The following DIAPH3 variants were observed in gnomAD, a reference collection of about 807,000 sequenced individuals.
The protein encoded by DIAPH3 is protein diaphanous homolog 3.
A neutral mutation model predicts 144.3 loss-of-function variants in DIAPH3; 117 were observed. The observed-to-expected ratio is 0.81, with a 90% CI of 0.70 to 0.95. The LOEUF is 0.95. Among genes scored for constraint, DIAPH3 ranks in the 40% least tolerant of loss-of-function variants. DIAPH3 has a pLI of 0.00. For synonymous variants in DIAPH3, 519 were observed against 488.9 expected, an observed-to-expected ratio of 1.06 and a Z score of -0.81; for missense variants, 1,421 against 1,412.7, an observed-to-expected ratio of 1.01 and a Z score of -0.09.
intron 1 of DIAPH3, among the ~76,000 whole-genome samples, chr13:60,157,133 C>T (rs1029254703): frequency 4.6e-5 from 7 of 151,370 alleles, no homozygotes; most frequent in South Asian, 2.1e-4. Flanking sequence ...TTAGTAGAGA[C>T]GGGGTTTCAC....
chr13:59,776,196 C>T (rs975921493), intron 25 of DIAPH3, among the ~76,000 whole-genome samples: 3 of 152,124 alleles, frequency 2.0e-5, no homozygotes, highest in Non-Finnish European at 2.9e-5. Context: ...TACTCATTTA[C>T]AGTTTATAAA....
At chr13:59,935,427 T>C (rs1324049746) in intron 17 of DIAPH3, among the ~76,000 whole-genome samples, 1 of 152,090 alleles carries the variant, frequency 6.6e-6, no homozygotes, top group East Asian at 1.9e-4. Flanking sequence ...AGGTCAGAAA[T>C]GGAGAATAGG....
At chr13:59,974,967 C>T (rs1237269287) in intron 14 of DIAPH3, among the ~76,000 whole-genome samples, 1 of 151,894 alleles carries the variant, frequency 6.6e-6, no homozygotes, top group Non-Finnish European at 1.5e-5. Flanking sequence ...ATAATATCTC[C>T]TGATATCTTT....
chr13:59,708,949 C>G (rs17057076), intron 27 of DIAPH3, among the ~76,000 whole-genome samples: 3,807 of 152,128 alleles, frequency 0.025, 151 homozygotes, highest in African/African-American at 0.086. Context: ...TAAAAAGTTA[C>G]CAGGTATCAG....
chr13:60,008,599 A>ATT lies in DIAPH3; in HGVS notation c.957_958dup (p.Ile320LysfsTer21). 2 of 1,604,820 alleles carry ATT rather than the reference A, an allele frequency of 1.2e-6. No individual in the cohort carries two copies. The highest frequency in any genetic ancestry group is 1.7e-6 in the Non-Finnish European group (2 of 1,173,224). On this transcript the variant is annotated frameshift_variant, in exon 9 of 28. Coordinates refer to ENST00000400324, the MANE Select transcript of DIAPH3 (RefSeq NM_001042517.2). LOFTEE classifies it high-confidence loss of function. The stretch of plus-strand genomic sequence containing the variant: ...TTCCACAATACAAAAAAATCTGTCA[A>ATT]TTTTTTTTTCTTCACCAGCTGAAGT...
Position 59,796,052 on chromosome 13 carries a change from G to C in DIAPH3, c.3163+14736C>G, listed in dbSNP as rs549600433. Among the ~76,000 whole-genome samples the C allele has an allele frequency of 2.6e-5, 4 of 152,232 alleles. No individual in the cohort carries two copies. In the South Asian group the frequency reaches 8.3e-4, roughly 32 times the overall value. On this transcript the variant is annotated intron_variant, in intron 25 of 27. Transcript: ENST00000400324. ...AAAGATTGAAACTAGCTAAAATGAG[G>C]GGTTTGTATTGTAAGTGAATCTAAA...
intron 5 of DIAPH3, among the ~76,000 whole-genome samples, chr13:60,040,097 C>A (rs2670483): frequency 2.2e-3 from 330 of 151,160 alleles, no homozygotes; most frequent in African/African-American, 7.4e-3. Context: ...TAGCCAGGTG[C>A]GCACCTGTAA....
At chr13:60,036,199 G>C (rs976622569) in intron 5 of DIAPH3, among the ~76,000 whole-genome samples, 4 of 152,076 alleles carry the variant, frequency 2.6e-5, no homozygotes, top group African/African-American at 9.7e-5. Flanking sequence ...ATCTGTCAGT[G>C]TTTATTTTCT....
At chr13:59,993,768 C>T (rs2052003241) in intron 9 of DIAPH3, among the ~76,000 whole-genome samples, 1 of 144,398 alleles carries the variant, frequency 6.9e-6, no homozygotes, top group African/African-American at 2.6e-5. Flanking sequence ...CAGCTGTAAC[C>T]AGTTCATGTC....
intron 15 of DIAPH3, among the ~76,000 whole-genome samples, chr13:59,971,934 G>C (rs2050408309): frequency 6.6e-6 from 1 of 152,128 alleles, no homozygotes. Flanking sequence ...AGCCTTATCT[G>C]ACCACTCATT....
At chr13:60,111,955 G>A in intron 3 of DIAPH3, 55 bp downstream of exon 3, 3 of 1,586,598 alleles carry the variant, frequency 1.9e-6, no homozygotes, top group South Asian at 1.1e-5. Flanking sequence ...CCATTAACAT[G>A]AGCAAAAGCT....
intron 27 of DIAPH3, among the ~76,000 whole-genome samples, chr13:59,721,347 G>C (rs2035333073): frequency 6.6e-6 from 1 of 152,112 alleles, no homozygotes; most frequent in South Asian, 2.1e-4. Context: ...CATTTTTCAT[G>C]TCTTGGTAAT....
rs148641158 is a variant in DIAPH3, at chr13:59,787,851, C to A, written c.3164-13028G>T. ...AGGTGATGAGATCATAAGGGCAGAG[C>A]CTTTGTTAATGAGATTAGTGCTTTT... On this transcript the variant is annotated intron_variant, in intron 25 of 27. Coordinates refer to ENST00000400324, the MANE Select transcript of DIAPH3 (RefSeq NM_001042517.2). 1.9e-3 allele frequency among the ~76,000 whole-genome samples: 295 copies of A among 152,180 alleles called. 2 individuals carry two copies. Among genetic ancestry groups the A allele is most frequent in the African/African-American group, 6.8e-3 (282 of 41,538 alleles).
chr13:60,076,480 T>C lies in DIAPH3; in HGVS notation c.495+17148A>G, dbSNP rs994197347. On this transcript the variant is annotated intron_variant, in intron 4 of 27. Coordinates refer to ENST00000400324, the MANE Select transcript of DIAPH3 (RefSeq NM_001042517.2). ...TTCAGCACCTGATATCCTCAGCCCC[T>C]GGGCTTCTGTCAAAACGTTGACATA... 6.6e-5 allele frequency among the ~76,000 whole-genome samples: 10 copies of C among 152,154 alleles called. No individual in the cohort carries two copies. The East Asian group carries it at 1.9e-3, about 29-fold the overall frequency.
chr13:59,970,022 T>C lies in DIAPH3; in HGVS notation c.1996A>G (p.Ile666Val). The change falls in exon 17 of 28, where the codon ATA becomes GTA. Residue 666 changes from isoleucine (I) to valine (V), a missense_variant. By Grantham distance (29) the Ile-to-Val change is conservative. Transcript: ENST00000400324. ...PHEMTENCFW[I>V]KVNENKYENV... ...TCATACTTATTTTCATTTACTTTTA[T>C]CCAGAAACAGTTTTCAGTCATTTCA... 6.2e-7 allele frequency: 1 copy of C among 1,607,834 alleles called. No individual in the cohort carries two copies. The highest frequency in any genetic ancestry group is 8.5e-7 in the Non-Finnish European group (1 of 1,176,140).
At chr13:59,876,952 A>C (rs1169454915) in intron 21 of DIAPH3, among the ~76,000 whole-genome samples, 2 of 151,976 alleles carry the variant, frequency 1.3e-5, no homozygotes, top group Non-Finnish European at 2.9e-5. Flanking sequence ...CAAGTTCATA[A>C]CCAGCACACC....
rs111915155 is a variant in DIAPH3, at chr13:59,666,561, T to C, written c.*23A>G. The C allele has an allele frequency of 6.2e-7, 1 of 1,610,950 alleles. No homozygotes were observed. The highest frequency in any genetic ancestry group is 1.7e-4 in the Middle Eastern group (1 of 6,044). Reference sequence around the variant, plus strand: ...CATGGCTTTATATTTGGCTTAATCATTTTTTTTAAAAACCAGTTTAACTTA... The same window carrying C: ...CATGGCTTTATATTTGGCTTAATCACTTTTTTTAAAAACCAGTTTAACTTA... On this transcript the variant is annotated 3_prime_UTR_variant, in exon 28 of 28. Coordinates refer to ENST00000400324, the MANE Select transcript of DIAPH3 (RefSeq NM_001042517.2).
At chr13:59,901,505 C>G (rs144082710) in intron 20 of DIAPH3, among the ~76,000 whole-genome samples, 151 of 152,320 alleles carry the variant, frequency 9.9e-4, no homozygotes, top group African/African-American at 3.4e-3. Flanking sequence ...CACAAACACA[C>G]TCATCCTACC....
intron 22 of DIAPH3, 26 bp from the exon 23 acceptor site, chr13:59,839,474 G>T (rs754351019): frequency 7.5e-6 from 12 of 1,606,434 alleles, no homozygotes; most frequent in Non-Finnish European, 6.8e-6. Context: ...TTAAATGCCC[G>T]GAAAGGACAA....
Sources: allele counts gnomAD v4.1 joint callset (sites outside exome capture counted in the v4.1 genomes callset), GRCh38; gene constraint gnomAD v4.1.1; transcripts MANE v1.5; gene names NCBI Gene and HGNC (gene_info 2026-07-23, HGNC 2026-07-21).